Variants in CACNG4 observed in about 807,000 individuals in gnomAD.
The protein encoded by CACNG4 is calcium voltage-gated channel auxiliary subunit gamma 4.
In CACNG4, 8 loss-of-function variants were observed where a neutral mutation model predicts 22.9. The ratio of observed to expected loss-of-function variants is 0.35; its 90% confidence interval spans 0.21 to 0.63. CACNG4 has a LOEUF of 0.63. Among genes scored for constraint, CACNG4 ranks in the 30% least tolerant of loss-of-function variants. CACNG4 has a pLI of 0.72. For missense variants in CACNG4, 357 were observed against 455.4 expected (o/e 0.78, Z 1.97); for synonymous variants, 188 against 191.9 (o/e 0.98, Z 0.17).
chr17:67,006,005 C>T (rs1234499936), intron 1 of CACNG4, among the ~76,000 whole-genome samples: 1 of 152,168 alleles, frequency 6.6e-6, no homozygotes, highest in Non-Finnish European at 1.5e-5. Context: ...AGGGGCCCGA[C>T]ATTATCCCAT....
chr17:67,000,609 G>C (rs550343051), intron 1 of CACNG4, among the ~76,000 whole-genome samples: 2 of 152,288 alleles, frequency 1.3e-5, no homozygotes, highest in Admixed American at 1.3e-4. Context: ...GGAGGAGGGA[G>C]AGACACAGGA....
chr17:66,994,645 C>T (rs1217418240), intron 1 of CACNG4, among the ~76,000 whole-genome samples: 2 of 152,186 alleles, frequency 1.3e-5, no homozygotes, highest in South Asian at 2.1e-4. Flanking sequence ...GTTCAGGTCC[C>T]GGCTTTCTCC....
intron 2 of CACNG4, among the ~76,000 whole-genome samples, chr17:67,023,500 C>T (rs544395586): frequency 6.6e-6 from 1 of 151,936 alleles, no homozygotes; most frequent in African/African-American, 2.4e-5. Context: ...TGGTCTCAAT[C>T]TCCTGACCTC....
At chr17:66,983,373 G>A (rs918726466) in intron 1 of CACNG4, among the ~76,000 whole-genome samples, 5 of 152,160 alleles carry the variant, frequency 3.3e-5, no homozygotes, top group Non-Finnish European at 7.3e-5. Flanking sequence ...AGTGTGCTGC[G>A]AATATCCAAA....
At chr17:66,975,980 G>A (rs1374726789) in intron 1 of CACNG4, among the ~76,000 whole-genome samples, 1 of 152,224 alleles carries the variant, frequency 6.6e-6, no homozygotes, top group Non-Finnish European at 1.5e-5. Flanking sequence ...GGAACTTCCA[G>A]TAGCCTCAGG....
At chr17:66,989,891 T>C (rs115592653) in intron 1 of CACNG4, among the ~76,000 whole-genome samples, 4,004 of 146,088 alleles carry the variant, frequency 0.027, 332 homozygotes, top group African/African-American at 0.1. Flanking sequence ...AACATGAAAA[T>C]TTTTTCTTTC....
intron 2 of CACNG4, 71 bp from the exon 3 acceptor site, chr17:67,024,789 T>C (rs2035552897): frequency 1.4e-6 from 2 of 1,400,698 alleles, no homozygotes; most frequent in Non-Finnish European, 1.9e-6. Context: ...CTGGGAGACA[T>C]ACGCAGCCAT....
intron 3 of CACNG4, among the ~76,000 whole-genome samples, chr17:67,026,959 A>G (rs9913820): frequency 6.6e-6 from 1 of 151,256 alleles, no homozygotes; most frequent in Admixed American, 6.6e-5. Context: ...TCATTTTTCA[A>G]AAGGTGTGAG....
chr17:66,965,219 C>T lies in CACNG4; in HGVS notation c.220+88C>T, dbSNP rs1311780298. ...ACGCGCGCGCGCGCGCGCGCACACA[C>T]ACACACGCGCACACACTGCCCGGCG... On this transcript the variant is annotated intron_variant, in intron 1 of 3. Coordinates refer to ENST00000262138, the MANE Select transcript of CACNG4 (RefSeq NM_014405.4). 480 of 755,802 alleles carry T rather than the reference C, an allele frequency of 6.4e-4. 7 individuals carry two copies. In the African/African-American group the frequency reaches 8.3e-3, roughly 13 times the overall value. 46.8% of individuals were successfully genotyped at this position (755,802 alleles called of 1,614,324 possible).
intron 1 of CACNG4, among the ~76,000 whole-genome samples, chr17:66,967,559 C>T (rs182539658): frequency 3.0e-4 from 45 of 152,290 alleles, no homozygotes; most frequent in African/African-American, 8.9e-4. Context: ...CCCTAGGCCA[C>T]TTTCTGGGGA....
chr17:67,024,763 T>G, intron 2 of CACNG4, 97 bp from the exon 3 acceptor site: 3 of 1,292,420 alleles, frequency 2.3e-6, no homozygotes, highest in African/African-American at 1.5e-5. Context: ...GGGAAGGGCC[T>G]GGAGCTGCAA....
chr17:66,987,430 A>G (rs944617385), intron 1 of CACNG4, among the ~76,000 whole-genome samples: 10 of 152,200 alleles, frequency 6.6e-5, no homozygotes, highest in Non-Finnish European at 8.8e-5. Context: ...AATGGTCATT[A>G]TCATTACTCT....
intron 1 of CACNG4, among the ~76,000 whole-genome samples, chr17:66,967,202 G>A (rs1305647938): frequency 6.6e-6 from 1 of 152,154 alleles, no homozygotes; most frequent in East Asian, 1.9e-4. Flanking sequence ...TTTGCACTTC[G>A]GTGTTCATCA....
chr17:67,023,442 AT>A (rs987549130), intron 2 of CACNG4, among the ~76,000 whole-genome samples: 3 of 150,854 alleles, frequency 2.0e-5, no homozygotes, highest in Non-Finnish European at 4.4e-5. Context: ...CGCCCGGCTA[AT>A]TTTTTGTATT....
chr17:67,033,148 C>T lies in CACNG4; in HGVS notation c.*2144C>T, dbSNP rs3803815. On this transcript the variant is annotated 3_prime_UTR_variant, in exon 4 of 4. Transcript: ENST00000262138. Reference sequence around the variant, plus strand: ...CCGGGCCTTCTCAGCCTTCTCCCCGCGGCCAGCTGGGTCTCCGGGGACCCT... The same window carrying T: ...CCGGGCCTTCTCAGCCTTCTCCCCGTGGCCAGCTGGGTCTCCGGGGACCCT... 0.066 allele frequency: 10,011 copies of T among 152,788 alleles called. 481 individuals carry two copies. Among genetic ancestry groups the T allele is most frequent in the South Asian group, 0.13 (609 of 4,828 alleles). The allele number at this position is 152,788 out of a possible 1,614,324, so 9.5% of individuals were successfully genotyped here. A position where few individuals can be genotyped will look rare whatever the true frequency, so the allele number is the denominator to read the frequency against.
chr17:67,009,338 A>G (rs2035455041), intron 1 of CACNG4, among the ~76,000 whole-genome samples: 1 of 151,810 alleles, frequency 6.6e-6, no homozygotes, highest in African/African-American at 2.4e-5. Context: ...GATCTTGGCC[A>G]AGTCACTTCC....
chr17:66,981,981 T>A (rs2035277465), intron 1 of CACNG4, among the ~76,000 whole-genome samples: 1 of 152,190 alleles, frequency 6.6e-6, no homozygotes, highest in Non-Finnish European at 1.5e-5. Flanking sequence ...TCACACAGGC[T>A]AGAGTGCAGT....
chr17:66,983,232 G>C (rs1380286480), intron 1 of CACNG4, among the ~76,000 whole-genome samples: 2 of 152,216 alleles, frequency 1.3e-5, no homozygotes, highest in African/African-American at 4.8e-5. Context: ...TCACCAGCCT[G>C]TGACACCCCC....
At position 66,988,997 on chromosome 17, in the gene CACNG4, G is replaced by T. The variant is rs188619300; in HGVS notation, c.220+23866G>T. Among the ~76,000 whole-genome samples, 361 of 145,076 alleles carry T rather than the reference G, an allele frequency of 2.5e-3. 5 individuals carry two copies. The highest frequency in any genetic ancestry group is 8.7e-3 in the African/African-American group (340 of 38,870). ...AATCACTTGAATCCAGTAGGTGGAG[G>T]TTGCAGTGAGCCAAGATCATGCCAC... On this transcript the variant is annotated intron_variant, in intron 1 of 3. Transcript: ENST00000262138.
Sources: gnomAD v4.1 joint callset for allele counts (sites outside exome capture counted in the v4.1 genomes callset) on GRCh38, gnomAD v4.1.1 for gene constraint, MANE v1.5 for transcripts, NCBI Gene and HGNC (gene_info 2026-07-23, HGNC 2026-07-21) for gene names.